Variants in MBTD1 observed in about 807,000 individuals in gnomAD.
MBTD1 encodes the protein MBT domain-containing protein 1.
A neutral mutation model predicts 87.8 loss-of-function variants in MBTD1; 24 were observed. The ratio of observed to expected loss-of-function variants is 0.27; its 90% CI spans 0.20 to 0.38. MBTD1 has a LOEUF of 0.38. MBTD1 is among the 10% of genes least tolerant of loss of function. The pLI, the probability that MBTD1 is intolerant of heterozygous loss-of-function variation, is 1.00. For synonymous variants in MBTD1, 237 were observed against 248.6 expected (o/e 0.95, Z 0.44); for missense variants, 436 against 760.2 (o/e 0.57, Z 5.02).
upstream of MBTD1, chr17:51,260,598 G>T: frequency 6.2e-7 from 1 of 1,612,446 alleles, no homozygotes; most frequent in Admixed American, 1.7e-5. Context: ...CCGCCGGAGC[G>T]GAGGAGACGA....
At chr17:51,224,497 A>G (rs919813413) in intron 3 of MBTD1, among the ~76,000 whole-genome samples, 1 of 152,208 alleles carries the variant, frequency 6.6e-6, no homozygotes, top group African/African-American at 2.4e-5. Flanking sequence ...TGGTTCAATA[A>G]AGACACTATT....
intron 5 of MBTD1, among the ~76,000 whole-genome samples, chr17:51,218,457 A>G (rs2052698751): frequency 6.8e-6 from 1 of 146,770 alleles, no homozygotes; most frequent in Non-Finnish European, 1.5e-5. Flanking sequence ...CGAACCCATG[A>G]GGCAGAGGTT....
rs1568136195 is a variant in MBTD1 at position 51,179,514 on chromosome 17, A to ATATATATT, written c.*1061_*1062insAATATATA. ...TATATATATATATATATATATATAT[A>ATATATATT]TATATATATATATATATATATATGG... is the stretch of plus-strand genomic sequence containing the variant. On this transcript the variant is annotated 3_prime_UTR_variant, in exon 17 of 17. Transcript: ENST00000586178. 4.2e-5 allele frequency: 4 copies of ATATATATT among 96,104 alleles called. No individual in the cohort carries two copies. Among genetic ancestry groups the ATATATATT allele is most frequent in the Admixed American group, 1.1e-4 (1 of 9,484 alleles). The allele number at this position is 96,104 out of a possible 1,614,324, so 6.0% of individuals were successfully genotyped here.
chr17:51,247,175 T>A lies in MBTD1; in HGVS notation c.-49+11968A>T, dbSNP rs1323360937. On this transcript the variant is annotated intron_variant, in intron 2 of 16. Transcript: ENST00000586178. ...GAAAAGTTTTTGTTAGGAACAGGTG[T>A]TGAATTTTGTCATAGGCTTTTTCGG... Among the ~76,000 whole-genome samples the A allele has an allele frequency of 2.6e-5, 4 of 152,196 alleles. No individual in the cohort carries two copies. The East Asian group carries it at 7.7e-4, about 29-fold the overall frequency.
At chr17:51,255,795 G>A (rs918990584) in intron 2 of MBTD1, among the ~76,000 whole-genome samples, 4 of 151,852 alleles carry the variant, frequency 2.6e-5, no homozygotes, top group Non-Finnish European at 5.9e-5. Flanking sequence ...ACAGGGTTTC[G>A]CCATGTTGCC....
chr17:51,193,710 C>T lies in MBTD1; in HGVS notation c.1373-200G>A, dbSNP rs2050924538. 3.3e-5 allele frequency among the ~76,000 whole-genome samples: 5 copies of T among 152,338 alleles called. No individual in the cohort carries two copies. The South Asian group carries it at 1.0e-3, about 32-fold the overall frequency. ...AAAGGCTTACTGCAGCCTCAACCTC[C>T]AGGGCTCAAGTGATCCTCCTGCCTT... On this transcript the variant is annotated intron_variant, in intron 13 of 16. Coordinates refer to ENST00000586178, the MANE Select transcript of MBTD1 (RefSeq NM_017643.3).
At chr17:51,197,105 T>G (rs1316359336) in intron 12 of MBTD1, among the ~76,000 whole-genome samples, 2 of 74,260 alleles carry the variant, frequency 2.7e-5, no homozygotes, top group African/African-American at 1.1e-4. Context: ...TATATATATA[T>G]ATATATATAT....
Position 51,259,974 on chromosome 17 carries a change from C to G in MBTD1, c.-252G>C. ...GACTACAGGGGGCCCCCGGCTGGGCCCAGACCGGTGGCGGGTGCAGCAGCC... is the reference window on the plus strand; with the variant it reads ...GACTACAGGGGGCCCCCGGCTGGGCGCAGACCGGTGGCGGGTGCAGCAGCC... On this transcript the variant is annotated 5_prime_UTR_variant, in exon 1 of 17. Transcript: ENST00000586178. The G allele has an allele frequency of 1.1e-6, 1 of 918,554 alleles. No homozygotes were observed. Among genetic ancestry groups the G allele is most frequent in the Non-Finnish European group, 1.4e-6 (1 of 701,892 alleles). The allele number at this position is 918,554 out of a possible 1,614,324, so 56.9% of individuals were successfully genotyped here.
At chr17:51,220,244 G>T in intron 4 of MBTD1, 86 bp downstream of exon 4, 1 of 1,293,162 alleles carries the variant, frequency 7.7e-7, no homozygotes, top group Non-Finnish European at 1.1e-6. Flanking sequence ...CAGAGGTGGA[G>T]TACAGTGAAT....
chr17:51,235,545 C>T (rs1394231059), intron 2 of MBTD1, among the ~76,000 whole-genome samples: 3 of 152,154 alleles, frequency 2.0e-5, no homozygotes, highest in Non-Finnish European at 4.4e-5. Context: ...ACTAATTCAA[C>T]ATTTGAAAAT....
In MBTD1 at chr17:51,203,164, T is replaced by C; in HGVS notation, c.804A>G (p.Thr268=). The stretch of plus-strand genomic sequence containing the variant: ...CCTTTTGGGAGAAATCAGGAGGCAG[T>C]GTTTTGGCACCAGTAAGTCGTTTCA... ...FLVKRLTGAK[T]LPPDFSQKVS... is the part of the protein sequence containing the mutation. Residue 268 remains threonine (T), a synonymous_variant, in exon 9 of 17, where the codon ACA becomes ACG. Transcript: ENST00000586178. The C allele has an allele frequency of 6.3e-7, 1 of 1,595,512 alleles. No homozygotes were observed. Among genetic ancestry groups the C allele is most frequent in the Non-Finnish European group, 8.5e-7 (1 of 1,175,484 alleles).
chr17:51,228,058 T>TA (rs2053332086), intron 2 of MBTD1, among the ~76,000 whole-genome samples: 1 of 152,180 alleles, frequency 6.6e-6, no homozygotes, highest in South Asian at 2.1e-4. Flanking sequence ...ATTCAGTTTT[T>TA]AAAAAAACAT....
At chr17:51,196,568 T>C (rs2051119415) in intron 12 of MBTD1, among the ~76,000 whole-genome samples, 2 of 152,084 alleles carry the variant, frequency 1.3e-5, no homozygotes, top group Admixed American at 1.3e-4. Flanking sequence ...CCATCTCTTA[T>C]ACTCTAATGT....
rs2050205806 is a variant in MBTD1 at position 51,179,486 on chromosome 17, A to ATATATATATATATATATATATATATT, written c.*1089_*1090insAATATATATATATATATATATATATA. The ATATATATATATATATATATATATATT allele has an allele frequency of 3.3e-4, 5 of 15,022 alleles. No individual in the cohort carries two copies. The highest frequency in any genetic ancestry group is 1.6e-3 in the Admixed American group (2 of 1,286). The allele number at this position is 15,022 out of a possible 1,614,324, so 0.9% of individuals were successfully genotyped here. A position where few individuals can be genotyped will look rare whatever the true frequency, so the allele number is the denominator to read the frequency against. On this transcript the variant is annotated 3_prime_UTR_variant, in exon 17 of 17. Coordinates refer to ENST00000586178, the MANE Select transcript of MBTD1 (RefSeq NM_017643.3). ...CCTGAATACAATTAAAGACAATTTT[A>ATATATATATATATATATATATATATT]TATATATATATATATATATATATAT...
intron 12 of MBTD1, among the ~76,000 whole-genome samples, chr17:51,200,316 A>G (rs1371288079): frequency 6.6e-6 from 1 of 151,098 alleles, no homozygotes; most frequent in Non-Finnish European, 1.5e-5. Context: ...AATCCCAGCT[A>G]CTCAGGAGGC....
intron 6 of MBTD1, among the ~76,000 whole-genome samples, chr17:51,215,628 T>G (rs2052524243): frequency 6.6e-6 from 1 of 152,208 alleles, no homozygotes; most frequent in Non-Finnish European, 1.5e-5. Context: ...TTTAAAGATC[T>G]CTCTTTAAAG....
Position 51,225,145 on chromosome 17 carries a change from T to A in MBTD1, c.17A>T (p.Asp6Val), listed in dbSNP as rs779973032. The A allele has an allele frequency of 1.9e-6, 3 of 1,547,132 alleles. No homozygotes were observed. The highest frequency in any genetic ancestry group is 2.0e-5 in the Admixed American group (1 of 49,754). Residue 6 changes from aspartate to valine, a missense_variant, in exon 3 of 17, where the codon GAT (aspartate) becomes GTT (valine). By Grantham distance (152) the Asp-to-Val change is radical. Transcript: ENST00000586178. Reference protein sequence around the residue: MFDGYDSCSEDTSSSS... With the variant: MFDGYVSCSEDTSSSS... ...GCTGCTTGTGTCCTCACTGCAGCTA[T>A]CATAACCGTCAAACATCCCGAAAGA...
chr17:51,260,277 G>A, upstream of MBTD1: 2 of 496,142 alleles, frequency 4.0e-6, no homozygotes, highest in Non-Finnish European at 7.1e-6. Flanking sequence ...CCAGTGTATA[G>A]TCGGGGTTTC....
intron 2 of MBTD1, among the ~76,000 whole-genome samples, chr17:51,248,678 T>C (rs954364628): frequency 1.3e-5 from 2 of 152,258 alleles, no homozygotes; most frequent in Non-Finnish European, 2.9e-5. Flanking sequence ...CTGAGATTCA[T>C]TCATGTTACA....
Sources: allele counts gnomAD v4.1 joint callset (sites outside exome capture counted in the v4.1 genomes callset), GRCh38; gene constraint gnomAD v4.1.1; transcripts MANE v1.5; gene names NCBI Gene and HGNC (gene_info 2026-07-23, HGNC 2026-07-21).